TFDP2: variants seen among roughly 807,000 people sequenced by gnomAD.
TFDP2 encodes the protein transcription factor Dp-2 (E2F dimerization partner 2).
Under a neutral mutation model 59.3 loss-of-function variants are expected in TFDP2, and 17 were observed. The observed-to-expected ratio is 0.29, with a 90% confidence interval of 0.20 to 0.43. TFDP2 has a LOEUF of 0.43. TFDP2 is among the 20% of genes least tolerant of loss of function. The probability of loss-of-function intolerance (pLI) is 1.00; values close to 1 mark genes in which losing one functional copy is unlikely to be tolerated. For synonymous variants in TFDP2, 180 were observed against 194.7 expected (o/e 0.92, Z 0.63); for missense variants, 391 against 528.8 (o/e 0.74, Z 2.56).
Position 141,951,632 on chromosome 3 carries a change from T to C in TFDP2, c.*881A>G, listed in dbSNP as rs570403898. On this transcript the variant is annotated 3_prime_UTR_variant, in exon 13 of 13. Coordinates refer to ENST00000489671, the MANE Select transcript of TFDP2 (RefSeq NM_001178139.2). The stretch of plus-strand genomic sequence containing the variant: ...AGGGAACTGTAGGCAAGCAATTTGG[T>C]CATAGGAATTTGTTTCTTTGTCTTG... The C allele has an allele frequency of 6.5e-6, 1 of 152,798 alleles. No individual in the cohort carries two copies. The highest frequency in any genetic ancestry group is 2.4e-5 in the African/African-American group (1 of 41,590). The allele number at this position is 152,798 out of a possible 1,614,324, so 9.5% of individuals were successfully genotyped here.
chr3:141,967,295 G>GTT (rs918604530), intron 9 of TFDP2, among the ~76,000 whole-genome samples: 4 of 136,346 alleles, frequency 2.9e-5, no homozygotes, highest in Admixed American at 7.4e-5. Context: ...TAAGTTTTTT[G>GTT]TTTTTTTTTT....
At chr3:141,957,413 T>C (rs929288246) in intron 11 of TFDP2, among the ~76,000 whole-genome samples, 6 of 152,216 alleles carry the variant, frequency 3.9e-5, no homozygotes. Flanking sequence ...TGGTATTTCC[T>C]TAAAATGTTA....
At chr3:142,007,158 T>C (rs1406978026) in intron 3 of TFDP2, among the ~76,000 whole-genome samples, 1 of 152,218 alleles carries the variant, frequency 6.6e-6, no homozygotes, top group Non-Finnish European at 1.5e-5. Flanking sequence ...TCTCCGGAAT[T>C]TTCAACTATT....
At chr3:142,016,449 C>T (rs1239657765) in intron 3 of TFDP2, among the ~76,000 whole-genome samples, 1 of 151,800 alleles carries the variant, frequency 6.6e-6, no homozygotes, top group Non-Finnish European at 1.5e-5. Flanking sequence ...CAGGTGCCCA[C>T]CAGCACACCT....
chr3:142,046,698 C>T (rs557900603), intron 3 of TFDP2, among the ~76,000 whole-genome samples: 37 of 152,186 alleles, frequency 2.4e-4, no homozygotes, highest in African/African-American at 8.2e-4. Flanking sequence ...TGCCTGTCCC[C>T]GCTATTTTGT....
At chr3:141,952,817 G>T in intron 12 of TFDP2, 94 bp downstream of exon 12, 1 of 1,539,302 alleles carries the variant, frequency 6.5e-7, no homozygotes, top group Non-Finnish European at 9.0e-7. Flanking sequence ...TGCTCAGCAG[G>T]ACCTGTGCTG....
intron 1 of TFDP2, among the ~76,000 whole-genome samples, chr3:142,148,467 T>C (rs900558763): frequency 6.6e-6 from 1 of 152,208 alleles, no homozygotes. Flanking sequence ...TTTCTTACGA[T>C]TGCATTCCAT....
At chr3:142,092,222 G>C (rs967059912) in intron 3 of TFDP2, among the ~76,000 whole-genome samples, 1 of 152,018 alleles carries the variant, frequency 6.6e-6, no homozygotes, top group African/African-American at 2.4e-5. Flanking sequence ...AATTTCATCC[G>C]TAGACATTTC....
chr3:142,146,814 A>C (rs375580365), intron 1 of TFDP2, among the ~76,000 whole-genome samples: 49 of 152,334 alleles, frequency 3.2e-4, no homozygotes, highest in South Asian at 2.3e-3. Flanking sequence ...TTAAAGACTG[A>C]GAATATTTTC....
rs34700741 is a variant in TFDP2, at chr3:142,115,893, T to C, written c.-92-14052A>G. On this transcript the variant is annotated intron_variant, in intron 1 of 12. Coordinates refer to ENST00000489671, the MANE Select transcript of TFDP2 (RefSeq NM_001178139.2). The stretch of plus-strand genomic sequence containing the variant: ...CTATACACAAAGACACACCAAAAAA[T>C]GGGCACATGCAAAAACTAGTGAAAT... Among the ~76,000 whole-genome samples the C allele has an allele frequency of 1.4e-3, 214 of 152,188 alleles. 1 individual carries two copies. The highest frequency in any genetic ancestry group is 3.4e-3 in the Middle Eastern group (1 of 294).
At chr3:142,094,933 GCTTTATAA>G (rs1415806499) in intron 2 of TFDP2, among the ~76,000 whole-genome samples, 5 of 151,996 alleles carry the variant, frequency 3.3e-5, no homozygotes, top group Admixed American at 6.6e-5. Context: ...AGCACACAAA[GCTTTATAA>G]CTTTATAACT....
chr3:142,020,386 T>C (rs1259553387), intron 3 of TFDP2, among the ~76,000 whole-genome samples: 1 of 151,998 alleles, frequency 6.6e-6, no homozygotes, highest in Non-Finnish European at 1.5e-5. Flanking sequence ...ATATAAAAAA[T>C]TAGCCAGGAG....
At chr3:142,122,898 A>T (rs1239996414) in intron 1 of TFDP2, among the ~76,000 whole-genome samples, 2 of 152,212 alleles carry the variant, frequency 1.3e-5, no homozygotes, top group Non-Finnish European at 2.9e-5. Flanking sequence ...AACAACATGG[A>T]TAAACCTTAT....
At chr3:142,050,832 A>G (rs1947590483) in intron 3 of TFDP2, among the ~76,000 whole-genome samples, 1 of 146,878 alleles carries the variant, frequency 6.8e-6, no homozygotes, top group South Asian at 2.2e-4. Context: ...TGGGTGACAG[A>G]GTGAGACTCC....
rs569104663 is a variant in TFDP2 at position 142,057,188 on chromosome 3, G to A, written c.82+35873C>T. On this transcript the variant is annotated intron_variant, in intron 3 of 12. Coordinates refer to ENST00000489671, the MANE Select transcript of TFDP2 (RefSeq NM_001178139.2). ...TGTGCCTCCCACCAGCAGGAGGTCT[G>A]AATGGCACACTTCCATGGCCACCAT... Among the ~76,000 whole-genome samples, 144 of 152,266 alleles carry A rather than the reference G, an allele frequency of 9.5e-4. 3 individuals carry two copies. In the South Asian group the frequency reaches 0.03, roughly 31 times the overall value.
chr3:142,074,305 A>C (rs1476137098), intron 3 of TFDP2, among the ~76,000 whole-genome samples: 1 of 152,096 alleles, frequency 6.6e-6, no homozygotes, highest in Non-Finnish European at 1.5e-5. Flanking sequence ...TCTACTCAGG[A>C]GGCTGAGGCA....
chr3:142,052,320 A>G (rs1160455275), intron 3 of TFDP2, among the ~76,000 whole-genome samples: 13 of 152,046 alleles, frequency 8.6e-5, no homozygotes, highest in South Asian at 2.1e-4. Context: ...GGCAGATCAC[A>G]AGGTCAGGAG....
intron 6 of TFDP2, among the ~76,000 whole-genome samples, chr3:141,980,904 A>T (rs966032211): frequency 2.0e-5 from 3 of 152,252 alleles, no homozygotes; most frequent in African/African-American, 7.2e-5. Flanking sequence ...TAAAAAGTTT[A>T]TAAAGTAAAA....
At chr3:141,966,916 TAAAA>T (rs10668338) in intron 9 of TFDP2, among the ~76,000 whole-genome samples, 1 of 120,746 alleles carries the variant, frequency 8.3e-6, no homozygotes, top group Non-Finnish European at 1.7e-5. Flanking sequence ...GATTACTTAT[TAAAA>T]AAAAAAAAAA....
Sources: allele counts gnomAD v4.1 joint callset (sites outside exome capture counted in the v4.1 genomes callset), GRCh38; gene constraint gnomAD v4.1.1; transcripts MANE v1.5; gene names NCBI Gene and HGNC (gene_info 2026-07-23, HGNC 2026-07-21).